The following ELAPOR2 variants were observed in gnomAD, a reference collection of about 807,000 sequenced individuals.
ELAPOR2 encodes endosome-lysosome associated apoptosis and autophagy regulator family member 2.
Under a neutral mutation model 120.7 loss-of-function variants are expected in ELAPOR2, and 89 were observed. The observed-to-expected ratio is 0.74, with a 90% CI of 0.62 to 0.88. The LOEUF is 0.88. Among genes scored for constraint, ELAPOR2 ranks in the 40% least tolerant of loss-of-function variants. ELAPOR2 has a pLI of 0.00. For synonymous variants in ELAPOR2, 444 were observed against 444.9 expected (o/e 1.00, Z 0.03); for missense variants, 1,134 against 1,251.6 (o/e 0.91, Z 1.42).
At chr7:87,006,694 T>C (rs1793492630) in intron 1 of ELAPOR2, among the ~76,000 whole-genome samples, 2 of 152,122 alleles carry the variant, frequency 1.3e-5, no homozygotes, top group African/African-American at 4.8e-5. Context: ...GCCATTCTAC[T>C]CAAGATTTTA....
At chr7:86,899,266 C>T (rs940953890) in intron 18 of ELAPOR2, among the ~76,000 whole-genome samples, 4 of 152,026 alleles carry the variant, frequency 2.6e-5, no homozygotes, top group Non-Finnish European at 5.9e-5. Flanking sequence ...TGATTGATGC[C>T]GGAAGCTATT....
rs115496547 is a variant in ELAPOR2, at chr7:86,886,076, T to C, written c.3031-5546A>G. Among the ~76,000 whole-genome samples, 921 of 152,240 alleles carry C rather than the reference T, an allele frequency of 6.0e-3. 13 individuals carry two copies. Among genetic ancestry groups the C allele is most frequent in the African/African-American group, 0.02 (840 of 41,540 alleles). ...TTTGGTGTCAAGTCAGAAGTCTCCA[T>C]ATCAACAGCCCTGATTGAGTTATGA... On this transcript the variant is annotated intron_variant, in intron 21 of 21. Coordinates refer to ENST00000450689, the MANE Select transcript of ELAPOR2 (RefSeq NM_001142749.3).
intron 15 of ELAPOR2, among the ~76,000 whole-genome samples, chr7:86,911,109 T>A (rs1425091285): frequency 1.3e-5 from 2 of 152,074 alleles, no homozygotes; most frequent in Non-Finnish European, 2.9e-5. Context: ...AAAGAGGTAG[T>A]GCTAATGTAC....
rs7783745 is a variant in ELAPOR2 at position 86,919,475 on chromosome 7, C to T, written c.1400-165G>A. ...TTAATCACAGTCGCAAATTTCATCCCGAGGTAGATGTTCCAAGAGGAACCA... is the reference window on the plus strand; with the variant it reads ...TTAATCACAGTCGCAAATTTCATCCTGAGGTAGATGTTCCAAGAGGAACCA... On this transcript the variant is annotated intron_variant, in intron 10 of 21. Coordinates refer to ENST00000450689, the MANE Select transcript of ELAPOR2 (RefSeq NM_001142749.3). Among the ~76,000 whole-genome samples the T allele has an allele frequency of 2.6e-5, 4 of 151,890 alleles. No individual in the cohort carries two copies. The East Asian group carries it at 5.8e-4, about 22-fold the overall frequency.
intron 1 of ELAPOR2, among the ~76,000 whole-genome samples, chr7:87,040,351 C>T (rs1364124739): frequency 6.6e-6 from 1 of 152,224 alleles, no homozygotes; most frequent in African/African-American, 2.4e-5. Flanking sequence ...GCAGTAACCT[C>T]TGCAGACTTA....
intron 2 of ELAPOR2, among the ~76,000 whole-genome samples, chr7:86,964,422 A>C (rs1791831222): frequency 6.6e-6 from 1 of 152,186 alleles, no homozygotes; most frequent in African/African-American, 2.4e-5. Flanking sequence ...TATACTAAAA[A>C]AAATTAAGTT....
intron 18 of ELAPOR2, among the ~76,000 whole-genome samples, chr7:86,898,559 C>CAAAAA (rs11418158): frequency 1.1e-4 from 7 of 66,564 alleles, no homozygotes; most frequent in Non-Finnish European, 1.8e-4. Context: ...ACACAATGAC[C>CAAAAA]AAAAAAAAAA....
chr7:86,961,049 T>C (rs1241913572), intron 2 of ELAPOR2, among the ~76,000 whole-genome samples: 2 of 152,166 alleles, frequency 1.3e-5, no homozygotes, highest in Non-Finnish European at 2.9e-5. Flanking sequence ...CTATACTCTG[T>C]ATGAGAAATA....
chr7:86,899,778 T>G (rs1788628214), intron 18 of ELAPOR2, among the ~76,000 whole-genome samples: 1 of 152,036 alleles, frequency 6.6e-6, no homozygotes, highest in Non-Finnish European at 1.5e-5. Context: ...ATGCCATATG[T>G]CAGGGCTAAG....
chr7:86,924,989 C>T (rs1790002087), intron 10 of ELAPOR2, among the ~76,000 whole-genome samples: 1 of 151,892 alleles, frequency 6.6e-6, no homozygotes, highest in Non-Finnish European at 1.5e-5. Flanking sequence ...AATTCCAAGC[C>T]CTCTAGGCAC....
At chr7:87,052,767 G>GTTTGTTTTGT (rs1298057074) in intron 1 of ELAPOR2, among the ~76,000 whole-genome samples, 157 of 102,790 alleles carry the variant, frequency 1.5e-3, no homozygotes, top group African/African-American at 4.2e-3. Context: ...TGATCACAGG[G>GTTTGTTTTGT]TTTGTTTTCT....
chr7:86,936,017 T>C (rs1304450645), intron 8 of ELAPOR2, among the ~76,000 whole-genome samples: 1 of 152,004 alleles, frequency 6.6e-6, no homozygotes, highest in Non-Finnish European at 1.5e-5. Flanking sequence ...GATGGTAATG[T>C]TTGGAATCTA....
At chr7:87,006,241 A>G (rs1238229938) in intron 1 of ELAPOR2, among the ~76,000 whole-genome samples, 2 of 152,164 alleles carry the variant, frequency 1.3e-5, no homozygotes, top group African/African-American at 4.8e-5. Flanking sequence ...CACACATTAA[A>G]AAGTCATTTA....
chr7:87,048,844 G>C (rs6955322), intron 1 of ELAPOR2, among the ~76,000 whole-genome samples: 2 of 152,058 alleles, frequency 1.3e-5, no homozygotes, highest in East Asian at 1.9e-4. Flanking sequence ...AGTAATGATC[G>C]TAACAGTTTT....
At chr7:86,981,735 C>A (rs916250631) in intron 1 of ELAPOR2, among the ~76,000 whole-genome samples, 1 of 152,174 alleles carries the variant, frequency 6.6e-6, no homozygotes, top group Non-Finnish European at 1.5e-5. Flanking sequence ...CAGCTCCCAG[C>A]GTGATTGACG....
chr7:86,934,362 T>C (rs1342184574), intron 8 of ELAPOR2, among the ~76,000 whole-genome samples: 2 of 152,028 alleles, frequency 1.3e-5, no homozygotes, highest in Non-Finnish European at 2.9e-5. Flanking sequence ...ACTGTATACA[T>C]TAGAAGATTT....
chr7:86,968,109 C>T (rs903013354), intron 1 of ELAPOR2, among the ~76,000 whole-genome samples: 23 of 151,960 alleles, frequency 1.5e-4, no homozygotes, highest in Admixed American at 6.6e-5. Flanking sequence ...AGTAAAATTG[C>T]GAAAGGTACG....
At chr7:86,945,412 A>G in intron 3 of ELAPOR2, among the ~76,000 whole-genome samples, 1 of 152,222 alleles carries the variant, frequency 6.6e-6, no homozygotes, top group East Asian at 1.9e-4. Flanking sequence ...GAAGGGGAGA[A>G]AGAGCACCAT....
chr7:87,059,259 C>G, intron 1 of ELAPOR2, 66 bp downstream of exon 1: 1 of 1,241,838 alleles, frequency 8.1e-7, no homozygotes, highest in Non-Finnish European at 1.0e-6. Flanking sequence ...ACAGGAACCG[C>G]TCTCAGCCTT....
Sources: allele counts gnomAD v4.1 joint callset (sites outside exome capture counted in the v4.1 genomes callset), GRCh38; gene constraint gnomAD v4.1.1; transcripts MANE v1.5; gene names NCBI Gene and HGNC (gene_info 2026-07-23, HGNC 2026-07-21).